Variants in CNNM3 observed in about 807,000 individuals in gnomAD.
CNNM3 encodes cyclin and CBS domain divalent metal cation transport mediator 3.
A neutral mutation model predicts 57.1 loss-of-function variants in CNNM3; 47 were observed. The observed-to-expected ratio is 0.82, with a 90% confidence interval of 0.65 to 1.05. The LOEUF (loss-of-function observed/expected upper bound fraction) is 1.05. Ranked by LOEUF, CNNM3 falls within the 50% of genes least tolerant of loss-of-function variation. The pLI, the probability that CNNM3 is intolerant of heterozygous loss-of-function variation, is 0.00. For missense variants in CNNM3, 957 were observed against 973.7 expected (o/e 0.98, Z 0.23); for synonymous variants, 507 against 478.2 (o/e 1.06, Z -0.79).
intron 2 of CNNM3, among the ~76,000 whole-genome samples, chr2:96,825,957 G>C (rs2079495244): frequency 6.6e-6 from 1 of 152,210 alleles, no homozygotes; most frequent in African/African-American, 2.4e-5. Flanking sequence ...GTGTCCGCCT[G>C]TTAGCATGGT....
rs974697013 is a variant in CNNM3 at position 96,832,470 on chromosome 2, T to C, written c.2060-82T>C. The C allele has an allele frequency of 5.6e-6, 9 of 1,600,196 alleles. No individual in the cohort carries two copies. In the Admixed American group the frequency reaches 1.3e-4, roughly 24 times the overall value. On this transcript the variant is annotated intron_variant, in intron 7 of 7. Coordinates refer to ENST00000305510, the MANE Select transcript of CNNM3 (RefSeq NM_017623.5). The stretch of plus-strand genomic sequence containing the variant: ...CACCTGTCTTAGCTGCCCCTTCCTG[T>C]CCCACAGAGGATTTGGCACTTGGTT...
In CNNM3 at chr2:96,817,414, C is replaced by T. The variant is rs2079340867; in HGVS notation, c.1137C>T (p.Leu379=). 2 of 1,614,158 alleles carry T rather than the reference C, an allele frequency of 1.2e-6. No homozygotes were observed. The highest frequency in any genetic ancestry group is 1.3e-5 in the African/African-American group (1 of 75,054). Residue 379 remains leucine, a synonymous_variant, in exon 1 of 8, where the codon CTC becomes CTT. Coordinates refer to ENST00000305510, the MANE Select transcript of CNNM3 (RefSeq NM_017623.5). The part of the protein sequence containing the change: ...AFVDPEDCTP[L]STITRFYNHP... ...TGGATCCCGAAGACTGCACGCCGCT[C>T]AGCACCATCACTCGTTTCTACAACC...
intron 2 of CNNM3, among the ~76,000 whole-genome samples, chr2:96,825,657 CTT>C (rs1258742607): frequency 1.3e-5 from 2 of 151,378 alleles, no homozygotes; most frequent in Non-Finnish European, 2.9e-5. Context: ...AATCCCAGCT[CTT>C]TGGGAGGCCC....
chr2:96,828,316 A>G (rs2079544577), intron 5 of CNNM3, 121 bp downstream of exon 5: 1 of 911,338 alleles, frequency 1.1e-6, no homozygotes, highest in Admixed American at 2.2e-5. Flanking sequence ...CCACCACCCC[A>G]CAAGGTGGTG....
intron 1 of CNNM3, among the ~76,000 whole-genome samples, chr2:96,817,750 G>C (rs2153353273): frequency 7.1e-6 from 1 of 140,026 alleles, no homozygotes; most frequent in East Asian, 2.1e-4. Context: ...CGTCAGGATA[G>C]CCCCCCCCCC....
intron 1 of CNNM3, among the ~76,000 whole-genome samples, chr2:96,823,500 T>C (rs2079442359): frequency 6.6e-6 from 1 of 152,114 alleles, no homozygotes; most frequent in Non-Finnish European, 1.5e-5. Context: ...GGTTAGAAGG[T>C]GTCTAGAAAC....
At chr2:96,828,064 G>T (rs2079540175) in intron 4 of CNNM3, 35 bp from the exon 5 acceptor site, 3 of 1,598,146 alleles carry the variant, frequency 1.9e-6, no homozygotes, top group Admixed American at 1.7e-5. Flanking sequence ...AGGTAATCTG[G>T]CCGCATCTGT....
chr2:96,825,526 G>C (rs1461106316), intron 2 of CNNM3, among the ~76,000 whole-genome samples: 3 of 152,148 alleles, frequency 2.0e-5, no homozygotes, highest in Admixed American at 2.0e-4. Context: ...CCAGTCTTCT[G>C]TCTCCCTAGG....
Position 96,828,157 on chromosome 2 carries a change from CGT to C in CNNM3, c.1749_1750del (p.Tyr584LeufsTer26). 1 of 1,614,144 alleles carries C rather than the reference CGT, an allele frequency of 6.2e-7. No homozygotes were observed. The highest frequency in any genetic ancestry group is 8.5e-7 in the Non-Finnish European group (1 of 1,180,022). On this transcript the variant is annotated frameshift_variant, in exon 5 of 8. Coordinates refer to ENST00000305510, the MANE Select transcript of CNNM3 (RefSeq NM_017623.5). LOFTEE classifies it high-confidence loss of function. ...CTGAAGTTTGAGAATGGGGCCTTCA[CGT>C]ACTATGGAGTGTCGGCCCTAACTGT...
At chr2:96,823,731 AC>A (rs1445848854) in intron 1 of CNNM3, among the ~76,000 whole-genome samples, 2 of 152,026 alleles carry the variant, frequency 1.3e-5, no homozygotes, top group African/African-American at 4.8e-5. Context: ...TGAAGCAGAT[AC>A]CCCCTCACAG....
In CNNM3 at chr2:96,834,358, T is replaced by C. The variant is rs893347168; in HGVS notation, c.*1742T>C. ...ATTATTATTATTATTATTATTATTA[T>C]TATTGAGACAAGATCTTGCTCTGTC... On this transcript the variant is annotated 3_prime_UTR_variant, in exon 8 of 8. Coordinates refer to ENST00000305510, the MANE Select transcript of CNNM3 (RefSeq NM_017623.5). Among the ~76,000 whole-genome samples the C allele has an allele frequency of 6.6e-6, 1 of 150,426 alleles. No homozygotes were observed. Among genetic ancestry groups the C allele is most frequent in the East Asian group, 1.9e-4 (1 of 5,136 alleles).
Position 96,816,557 on chromosome 2 carries a change from G to T in CNNM3, c.280G>T (p.Ala94Ser). 3.8e-6 allele frequency: 5 copies of T among 1,317,966 alleles called. No individual in the cohort carries two copies. Among genetic ancestry groups the T allele is most frequent in the Non-Finnish European group, 4.8e-6 (5 of 1,037,146 alleles). 81.6% of individuals were successfully genotyped at this position (1,317,966 alleles called of 1,614,324 possible). ...AGCREEAASP[A>S]GEWRALLRLR... The stretch of plus-strand genomic sequence containing the variant: ...CTGCCGGGAGGAGGCGGCCTCCCCC[G>T]CGGGCGAGTGGCGCGCGCTGCTGCG... The change falls in exon 1 of 8, where the codon GCG becomes TCG. Residue 94 changes from alanine (A) to serine (S), a missense_variant. Transcript: ENST00000305510.
In CNNM3 at chr2:96,828,602, C is replaced by G. The variant is rs199790791; in HGVS notation, c.1822C>G (p.Arg608Gly). The G allele has an allele frequency of 6.2e-7, 1 of 1,614,214 alleles. No homozygotes were observed. The highest frequency in any genetic ancestry group is 8.5e-7 in the Non-Finnish European group (1 of 1,180,040). ...CCCGGTGTCCTCGCTCCAGCCCATC[C>G]GCCATGACCTGCAGCCCGACCCAGG... is the stretch of plus-strand genomic sequence containing the variant. The part of the protein sequence containing the change: ...QSPVSSLQPI[R>G]HDLQPDPGDG... Residue 608 changes from arginine to glycine, a missense_variant, in exon 6 of 8, where the codon CGC (arginine) becomes GGC (glycine). By Grantham distance (125) the Arg-to-Gly change is moderately radical. Transcript: ENST00000305510.
chr2:96,827,632 T>G, intron 3 of CNNM3, 99 bp from the exon 4 acceptor site: 1 of 1,256,772 alleles, frequency 8.0e-7, no homozygotes, highest in Non-Finnish European at 1.1e-6. Flanking sequence ...GGGAGATCCC[T>G]GGTGGGCACA....
chr2:96,835,637 T>G (rs1284347032), downstream of CNNM3, among the ~76,000 whole-genome samples: 18 of 152,000 alleles, frequency 1.2e-4, no homozygotes, highest in Admixed American at 1.1e-3. Context: ...CCGGCTAGTT[T>G]TTTGTATTTT....
At chr2:96,831,980 G>A (rs563093760) in intron 7 of CNNM3, 2 of 986,080 alleles carry the variant, frequency 2.0e-6, no homozygotes, top group South Asian at 9.4e-5. Context: ...CTTCCCAGTA[G>A]ACCTTTCCCT....
intron 7 of CNNM3, 28 bp from the exon 8 acceptor site, chr2:96,832,524 T>G: frequency 1.2e-6 from 2 of 1,613,956 alleles, no homozygotes; most frequent in Non-Finnish European, 1.7e-6. Flanking sequence ...AGCTTTGATG[T>G]TAATTCTCCT....
chr2:96,826,752 G>A (rs907140334), intron 2 of CNNM3, 81 bp from the exon 3 acceptor site: 4 of 1,538,274 alleles, frequency 2.6e-6, no homozygotes, highest in African/African-American at 2.7e-5. Context: ...GGAGGAAGGA[G>A]CAGGCGATGC....
chr2:96,817,549 T>G, intron 1 of CNNM3, 47 bp downstream of exon 1: 1 of 1,549,236 alleles, frequency 6.5e-7, no homozygotes, highest in Middle Eastern at 1.7e-4. Context: ...GAGTGCCCTC[T>G]CCCTGAAAAG....
Sources: gnomAD v4.1 joint callset for allele counts (sites outside exome capture counted in the v4.1 genomes callset) on GRCh38, gnomAD v4.1.1 for gene constraint, MANE v1.5 for transcripts, NCBI Gene and HGNC (gene_info 2026-07-23, HGNC 2026-07-21) for gene names.